Variants in MAPK9 observed in about 807,000 individuals in gnomAD.
MAPK9 encodes Jun kinase.
MAPK9 carries 30 observed loss-of-function variants against 57.1 expected under a neutral mutation model. That is an observed-to-expected ratio of 0.53 (90% CI 0.39 to 0.71). The LOEUF is 0.71. MAPK9 is among the 30% of genes least tolerant of loss of function. The pLI, the probability that MAPK9 is intolerant of heterozygous loss-of-function variation, is 0.00. For missense variants in MAPK9, 362 were observed against 521.0 expected (o/e 0.69, Z 2.97); for synonymous variants, 155 against 177.0 (o/e 0.88, Z 0.99).
rs935100031 is a variant in MAPK9, at chr5:180,282,310, C to T, written c.-47-1702G>A. On this transcript the variant is annotated intron_variant, in intron 1 of 11. Transcript: ENST00000452135. ...AACATTTAGGGGGTACCTTTATGCACGAAAGTGGTAAGTATAGCAAAAGAT... is the reference window on the plus strand; with the variant it reads ...AACATTTAGGGGGTACCTTTATGCATGAAAGTGGTAAGTATAGCAAAAGAT... 3.9e-5 allele frequency among the ~76,000 whole-genome samples: 6 copies of T among 152,148 alleles called. No individual in the cohort carries two copies. The East Asian group carries it at 9.6e-4, about 24-fold the overall frequency.
chr5:180,237,784 T>A (rs1006272995), intron 11 of MAPK9: 1 of 152,350 alleles, frequency 6.6e-6, no homozygotes, highest in Non-Finnish European at 1.5e-5. Flanking sequence ...CATACAGCGG[T>A]TTTTAAATCT....
At chr5:180,243,538 A>C (rs1456965468) in intron 7 of MAPK9, among the ~76,000 whole-genome samples, 1 of 152,232 alleles carries the variant, frequency 6.6e-6, no homozygotes, top group Non-Finnish European at 1.5e-5. Context: ...CTCGCTATAC[A>C]AGAGAATGCA....
Position 180,234,911 on chromosome 5 carries a change from A to T in MAPK9, c.*1473T>A, listed in dbSNP as rs1327261562. On this transcript the variant is annotated 3_prime_UTR_variant, in exon 12 of 12. Transcript: ENST00000452135. Reference sequence around the variant, plus strand: ...TTATCACAGTTCCTCCTCAGAACACACTCTACAGAATGTCGACTGAAAAGC... The same window carrying T: ...TTATCACAGTTCCTCCTCAGAACACTCTCTACAGAATGTCGACTGAAAAGC... The T allele has an allele frequency of 1.3e-5, 2 of 152,176 alleles. No homozygotes were observed. The highest frequency in any genetic ancestry group is 2.9e-5 in the Non-Finnish European group (2 of 68,036). 9.4% of individuals were successfully genotyped at this position (152,176 alleles called of 1,614,324 possible). A position where few individuals can be genotyped will look rare whatever the true frequency, so the allele number is the denominator to read the frequency against.
In MAPK9 at chr5:180,241,056, C is replaced by G. The variant is rs1483006693; in HGVS notation, c.971G>C (p.Trp324Ser). 6.2e-7 allele frequency: 1 copy of G among 1,613,286 alleles called. No individual in the cohort carries two copies. The highest frequency in any genetic ancestry group is 2.2e-5 in the East Asian group (1 of 44,816). ...GGCTTCTGCTTCGGCGGGGTCATAC[C>G]AAACAGTGATGTATGGGTGACGCAG... ...EALRHPYITV[W>S]YDPAEAEAPP... The change falls in exon 9 of 12, where the codon TGG becomes TCG. Residue 324 changes from tryptophan (W) to serine (S), a missense_variant. By Grantham distance (177) the Trp-to-Ser change is radical. Coordinates refer to ENST00000452135, the MANE Select transcript of MAPK9 (RefSeq NM_002752.5).
chr5:180,289,381 G>C (rs1191002599), intron 1 of MAPK9, among the ~76,000 whole-genome samples: 1 of 152,126 alleles, frequency 6.6e-6, no homozygotes, highest in South Asian at 2.1e-4. Flanking sequence ...TGCAAAAATA[G>C]TATTGTTTTT....
At chr5:180,252,909 C>T (rs1758861562) in intron 5 of MAPK9, among the ~76,000 whole-genome samples, 1 of 152,210 alleles carries the variant, frequency 6.6e-6, no homozygotes, top group Non-Finnish European at 1.5e-5. Context: ...TCCAGATTTC[C>T]CCTGAGGAAG....
intron 3 of MAPK9, among the ~76,000 whole-genome samples, chr5:180,265,232 A>G (rs1282845518): frequency 6.6e-6 from 1 of 152,232 alleles, no homozygotes; most frequent in African/African-American, 2.4e-5. Context: ...TGGTGTGATA[A>G]AGTGAAAGGC....
chr5:180,288,497 G>A (rs1039326563), intron 1 of MAPK9, among the ~76,000 whole-genome samples: 12 of 152,204 alleles, frequency 7.9e-5, no homozygotes, highest in African/African-American at 2.9e-4. Flanking sequence ...CTTTAAAAGA[G>A]TCAGTACCTT....
At chr5:180,269,245 T>A in intron 3 of MAPK9, 35 bp downstream of exon 3, 1 of 1,599,018 alleles carries the variant, frequency 6.3e-7, no homozygotes. Context: ...ATTGACAATA[T>A]GGAAGCACAC....
rs147043762 is a variant in MAPK9 at position 180,256,673 on chromosome 5, G to A, written c.450+5011C>T. Among the ~76,000 whole-genome samples the A allele has an allele frequency of 1.7e-3, 260 of 152,206 alleles. 1 individual carries two copies. The highest frequency in any genetic ancestry group is 6.1e-3 in the African/African-American group (252 of 41,546). ...AAGGCTTCTTAGGTTTCTATACCTC[G>A]TGCTGGGCAAACCAAACACTCCTTT... On this transcript the variant is annotated intron_variant, in intron 5 of 11. Coordinates refer to ENST00000452135, the MANE Select transcript of MAPK9 (RefSeq NM_002752.5).
chr5:180,286,016 C>T (rs1211441022), intron 1 of MAPK9, among the ~76,000 whole-genome samples: 3 of 146,082 alleles, frequency 2.1e-5, no homozygotes, highest in Admixed American at 6.9e-5. Flanking sequence ...GGAGGCGGAG[C>T]TTGCAGTGAG....
At chr5:180,250,759 T>C (rs1758589897) in intron 5 of MAPK9, among the ~76,000 whole-genome samples, 1 of 152,180 alleles carries the variant, frequency 6.6e-6, no homozygotes. Flanking sequence ...AATCTCTACC[T>C]GGCCCCAAAA....
chr5:180,267,561 C>CAAAA (rs34776289), intron 3 of MAPK9, among the ~76,000 whole-genome samples: 18 of 89,812 alleles, frequency 2.0e-4, no homozygotes, highest in South Asian at 3.9e-4. Context: ...GACTCCGTCT[C>CAAAA]AAAAAAAAAA....
intron 4 of MAPK9, among the ~76,000 whole-genome samples, 194 bp from the exon 5 acceptor site, chr5:180,262,016 T>TA (rs376554705): frequency 0.012 from 1,731 of 147,084 alleles, 21 homozygotes; most frequent in African/African-American, 0.027. Flanking sequence ...AGTTAAAAAT[T>TA]AAAAAAAAAA....
chr5:180,249,812 T>G (rs1758494466), intron 5 of MAPK9, among the ~76,000 whole-genome samples: 1 of 152,238 alleles, frequency 6.6e-6, no homozygotes, highest in South Asian at 2.1e-4. Context: ...AGAAAAATAC[T>G]GAGATATTTT....
At chr5:180,291,658 G>A (rs1208287739) in intron 1 of MAPK9, among the ~76,000 whole-genome samples, 190 bp downstream of exon 1, 1 of 151,754 alleles carries the variant, frequency 6.6e-6, no homozygotes, top group South Asian at 2.1e-4. Flanking sequence ...CGCAGCCCGG[G>A]GCTGCTGACA....
chr5:180,287,912 T>A (rs1762912521), intron 1 of MAPK9, among the ~76,000 whole-genome samples: 1 of 152,216 alleles, frequency 6.6e-6, no homozygotes, highest in African/African-American at 2.4e-5. Flanking sequence ...GCCCAAAAAA[T>A]GTTTGTTAAA....
chr5:180,263,959 C>A (rs1760269845), intron 4 of MAPK9, among the ~76,000 whole-genome samples: 1 of 152,208 alleles, frequency 6.6e-6, no homozygotes, highest in Admixed American at 6.5e-5. Flanking sequence ...CCCGCCTCGG[C>A]CTCCCAAAGT....
rs73811338 is a variant in MAPK9, at chr5:180,260,223, G to A, written c.450+1461C>T. On this transcript the variant is annotated intron_variant, in intron 5 of 11. Transcript: ENST00000452135. ...AAAAAACCCTATAAATGTAAAGAAC[G>A]TGGGGATGCCTTTGTTTCTCTCCGG... 2.9e-3 allele frequency among the ~76,000 whole-genome samples: 444 copies of A among 152,250 alleles called. 2 individuals carry two copies. Among genetic ancestry groups the A allele is most frequent in the African/African-American group, 0.01 (430 of 41,554 alleles).
Sources: allele counts gnomAD v4.1 joint callset (sites outside exome capture counted in the v4.1 genomes callset), GRCh38; gene constraint gnomAD v4.1.1; transcripts MANE v1.5; gene names NCBI Gene and HGNC (gene_info 2026-07-23, HGNC 2026-07-21).